Variants in HOXA4 observed in about 807,000 individuals in gnomAD.
The protein encoded by HOXA4 is homeobox A4, also known as homeobox protein Hox-A4.
In HOXA4, 31 loss-of-function variants were observed where a neutral mutation model predicts 25.3. The ratio of observed to expected loss-of-function variants is 1.22; its 90% confidence interval spans 0.92 to 1.65. The LOEUF (loss-of-function observed/expected upper bound fraction) is 1.65, where lower values mean the gene tolerates loss of function less well. Among genes scored for constraint, HOXA4 ranks in the 40% most tolerant of loss-of-function variants. The pLI, the probability that HOXA4 is intolerant of heterozygous loss-of-function variation, is 0.00. For missense variants in HOXA4, 459 were observed against 446.0 expected (o/e 1.03, Z -0.26); for synonymous variants, 225 against 207.7 (o/e 1.08, Z -0.72).
rs769951292 is a variant in HOXA4 at position 27,129,456 on chromosome 7, G to GCGC, written c.729_731dup (p.Arg245dup). 2.5e-6 allele frequency: 4 copies of GCGC among 1,614,210 alleles called. No individual in the cohort carries two copies. Among genetic ancestry groups the GCGC allele is most frequent in the Non-Finnish European group, 3.4e-6 (4 of 1,180,030 alleles). The stretch of plus-strand genomic sequence containing the variant: ...AGAGCGTGTGGGCGATCTCGATGCG[G>GCGC]CGCCGCCGGGTCAGGTATCGATTGA... On this transcript the variant is annotated inframe_insertion, in exon 2 of 2. Coordinates refer to ENST00000360046, the MANE Select transcript of HOXA4 (RefSeq NM_002141.5).
Position 27,130,523 on chromosome 7 carries a change from C to A in HOXA4, c.211G>T (p.Ala71Ser), listed in dbSNP as rs758521498. 3.7e-6 allele frequency: 5 copies of A among 1,348,224 alleles called. No homozygotes were observed. Among genetic ancestry groups the A allele is most frequent in the Middle Eastern group, 2.7e-4 (1 of 3,656 alleles). The allele number at this position is 1,348,224 out of a possible 1,614,324, so 83.5% of individuals were successfully genotyped here. Residue 71 changes from alanine to serine, a missense_variant, in exon 1 of 2, where the codon GCC (alanine) becomes TCC (serine). Transcript: ENST00000360046. ...GCGGTCCGCGGCGCGTAGTAGGAGG[C>A]AGTGGGCTCTCGGCCGCCGCCCGCG... ...PHAGGGREPT[A>S]SYYAPRTARE...
At position 27,129,211 on chromosome 7, in the gene HOXA4, A is replaced by C. The variant is rs1562721729; in HGVS notation, c.*14T>G. On this transcript the variant is annotated 3_prime_UTR_variant, in exon 2 of 2. Transcript: ENST00000360046. ...GCAGGTAAGGGATAGAAACTGGTTA[A>C]GATCTCTAGAAGATTATATGGAGGA... The C allele has an allele frequency of 7.1e-7, 1 of 1,408,938 alleles. No individual in the cohort carries two copies. The highest frequency in any genetic ancestry group is 1.0e-6 in the Non-Finnish European group (1 of 993,164). 87.3% of individuals were successfully genotyped at this position (1,408,938 alleles called of 1,614,324 possible). A position where few individuals can be genotyped will look rare whatever the true frequency, so the allele number is the denominator to read the frequency against.
chr7:27,130,262 C>A lies in HOXA4; in HGVS notation c.472G>T (p.Glu158Ter). The change falls in exon 1 of 2, where the codon GAG (glutamate) becomes TAG (stop). Residue 158 changes from glutamate to a stop codon, truncating the protein, a stop_gained. Coordinates refer to ENST00000360046, the MANE Select transcript of HOXA4 (RefSeq NM_002141.5). LOFTEE classifies it high-confidence loss of function. ...ACGCCTGGGGTGGCGGGGGCCGCCT[C>A]GCAGCGCCGCGGGGCCGCTGGGGGC... ...AVPPAAPRRCEAAPATPGVPA... is the reference protein window; with the variant it reads ...AVPPAAPRRC 1 of 1,184,218 alleles carries A rather than the reference C, an allele frequency of 8.4e-7. No homozygotes were observed. Among genetic ancestry groups the A allele is most frequent in the Non-Finnish European group, 1.0e-6 (1 of 956,078 alleles). The allele number at this position is 1,184,218 out of a possible 1,614,324, so 73.4% of individuals were successfully genotyped here. A position where few individuals can be genotyped will look rare whatever the true frequency, so the allele number is the denominator to read the frequency against.
chr7:27,129,388 C>T lies in HOXA4; in HGVS notation c.800G>A (p.Arg267Lys), dbSNP rs765350240. 1.5e-5 allele frequency: 24 copies of T among 1,614,034 alleles called. No homozygotes were observed. Among genetic ancestry groups the T allele is most frequent in the Middle Eastern group, 1.6e-4 (1 of 6,084 alleles). ...RQVKIWFQNR[R>K]MKWKKDHKLP... is the part of the protein sequence containing the mutation. ...TTTGTGGTCTTTCTTCCACTTCATCCTCCGGTTCTGAAACCAGATCTTGAC... is the reference window on the plus strand; with the variant it reads ...TTTGTGGTCTTTCTTCCACTTCATCTTCCGGTTCTGAAACCAGATCTTGAC... Residue 267 changes from arginine to lysine, a missense_variant, in exon 2 of 2, where the codon AGG (arginine) becomes AAG (lysine). Coordinates refer to ENST00000360046, the MANE Select transcript of HOXA4 (RefSeq NM_002141.5).
intron 1 of HOXA4, 153 bp downstream of exon 1, chr7:27,129,965 C>G: frequency 1.2e-6 from 1 of 824,290 alleles, no homozygotes; most frequent in Non-Finnish European, 1.9e-6. Context: ...GGCTGGCTGG[C>G]GCGCACATAC....
rs1192637366 is a variant in HOXA4 at position 27,129,232 on chromosome 7, G to A, written c.956C>T (p.Ser319Phe). 7 of 1,508,874 alleles carry A rather than the reference G, an allele frequency of 4.6e-6. No individual in the cohort carries two copies. In the East Asian group the frequency reaches 1.6e-4, roughly 34 times the overall value. The allele number at this position is 1,508,874 out of a possible 1,614,324, so 93.5% of individuals were successfully genotyped here. A position where few individuals can be genotyped will look rare whatever the true frequency, so the allele number is the denominator to read the frequency against. Residue 319 changes from serine (S) to phenylalanine (F), a missense_variant, in exon 2 of 2, where the codon TCC (serine) becomes TTC (phenylalanine). Physicochemically the swap from Ser to Phe is radical, Grantham distance 155. Coordinates refer to ENST00000360046, the MANE Select transcript of HOXA4 (RefSeq NM_002141.5). ...HPSTSTPVPS[S>F]I ...GTTAAGATCTCTAGAAGATTATATG[G>A]AGGAGGGAACGGGTGTGGAGGTGCT...
intron 1 of HOXA4, chr7:27,129,845 G>T: frequency 1.6e-6 from 1 of 607,456 alleles, no homozygotes; most frequent in African/African-American, 1.8e-5. Flanking sequence ...CCTCTGCCAG[G>T]GCAATTAAAT....
Position 27,129,092 on chromosome 7 carries a change from A to T in HOXA4, c.*133T>A. 7 of 723,340 alleles carry T rather than the reference A, an allele frequency of 9.7e-6. No individual in the cohort carries two copies. Among genetic ancestry groups the T allele is most frequent in the Admixed American group, 7.9e-5 (4 of 50,408 alleles). The allele number at this position is 723,340 out of a possible 1,614,324, so 44.8% of individuals were successfully genotyped here. A position where few individuals can be genotyped will look rare whatever the true frequency, so the allele number is the denominator to read the frequency against. ...ACCGGATAATGTCTTCTTTTTGATTATTCTTTTCACCAATTTGGGTTTGTT... is the reference window on the plus strand; with the variant it reads ...ACCGGATAATGTCTTCTTTTTGATTTTTCTTTTCACCAATTTGGGTTTGTT... On this transcript the variant is annotated 3_prime_UTR_variant, in exon 2 of 2. Coordinates refer to ENST00000360046, the MANE Select transcript of HOXA4 (RefSeq NM_002141.5).
rs762459096 is a variant in HOXA4 at position 27,130,215 on chromosome 7, G to A, written c.519C>T (p.Pro173=). 2.6e-5 allele frequency: 40 copies of A among 1,522,670 alleles called. No homozygotes were observed. Among genetic ancestry groups the A allele is most frequent in the Non-Finnish European group, 5.3e-6 (6 of 1,139,952 alleles). 94.3% of individuals were successfully genotyped at this position (1,522,670 alleles called of 1,614,324 possible). A position where few individuals can be genotyped will look rare whatever the true frequency, so the allele number is the denominator to read the frequency against. ...TGTCGGCCAAGAGCAGCGGGCACGC[G>A]GGGGCGCTGCCCCCTGCCGGGACGC... ...TPGVPAGGSA[P]ACPLLLADKS... Residue 173 remains proline, a synonymous_variant, in exon 1 of 2, where the codon CCC becomes CCT. Transcript: ENST00000360046.
rs1801085 is a variant in HOXA4 at position 27,128,971 on chromosome 7, A to G, written c.*254T>C. 66,877 of 562,430 alleles carry G rather than the reference A, an allele frequency of 0.12. 5,408 individuals are homozygous for G. The highest frequency in any genetic ancestry group is 0.3 in the African/African-American group (15,881 of 53,216). The allele number at this position is 562,430 out of a possible 1,614,324, so 34.8% of individuals were successfully genotyped here. Reference sequence around the variant, plus strand: ...ACCAAGTAGTCCTTCTCAGGTATCCACACCTGGCAGCCTTGTTTCGGGCCA... The same window carrying G: ...ACCAAGTAGTCCTTCTCAGGTATCCGCACCTGGCAGCCTTGTTTCGGGCCA... On this transcript the variant is annotated 3_prime_UTR_variant, in exon 2 of 2. Coordinates refer to ENST00000360046, the MANE Select transcript of HOXA4 (RefSeq NM_002141.5).
chr7:27,130,170 C>A lies in HOXA4; in HGVS notation c.564G>T (p.Lys188Asn), dbSNP rs867495371. ...LLADKSPLGL[K>N]GKEPVVYPWM... Reference sequence around the variant, plus strand: ...AGGGGTACACCACGGGCTCCTTGCCCTTCAGGCCCAGCGGGCTCTTGTCGG... The same window carrying A: ...AGGGGTACACCACGGGCTCCTTGCCATTCAGGCCCAGCGGGCTCTTGTCGG... The change falls in exon 1 of 2, where the codon AAG becomes AAT. Residue 188 changes from lysine (K) to asparagine (N), a missense_variant. Physicochemically the swap from Lys to Asn is moderately conservative, Grantham distance 94 (BLOSUM62 0). Coordinates refer to ENST00000360046, the MANE Select transcript of HOXA4 (RefSeq NM_002141.5). 1 of 1,598,064 alleles carries A rather than the reference C, an allele frequency of 6.3e-7. No individual in the cohort carries two copies. Among genetic ancestry groups the A allele is most frequent in the African/African-American group, 1.3e-5 (1 of 74,482 alleles).
At chr7:27,129,927 C>CAAA in intron 1 of HOXA4, 191 bp downstream of exon 1, 2 of 653,416 alleles carry the variant, frequency 3.1e-6, no homozygotes, top group Non-Finnish European at 5.2e-6. Context: ...ACCCTGGGTA[C>CAAA]AAAAGGGTTC....
At chr7:27,129,603 A>G in intron 1 of HOXA4, 32 bp from the exon 2 acceptor site, 1 of 1,606,622 alleles carries the variant, frequency 6.2e-7, no homozygotes, top group Non-Finnish European at 8.5e-7. Context: ...ATAGAAGGCC[A>G]AGGAGGAGGG....
chr7:27,130,502 T>C lies in HOXA4; in HGVS notation c.232A>G (p.Thr78Ala). The change falls in exon 1 of 2, where the codon ACC (threonine) becomes GCC (alanine). Residue 78 changes from threonine to alanine, a missense_variant. Transcript: ENST00000360046. ...EPTASYYAPR[T>A]AREPAYPAAA... Reference sequence around the variant, plus strand: ...GCAGGGTAGGCGGGCTCGCGGGCGGTCCGCGGCGCGTAGTAGGAGGCAGTG... The same window carrying C: ...GCAGGGTAGGCGGGCTCGCGGGCGGCCCGCGGCGCGTAGTAGGAGGCAGTG... 7.7e-7 allele frequency: 1 copy of C among 1,290,792 alleles called. No individual in the cohort carries two copies. The highest frequency in any genetic ancestry group is 1.6e-5 in the African/African-American group (1 of 63,650). 80.0% of individuals were successfully genotyped at this position (1,290,792 alleles called of 1,614,324 possible).
chr7:27,129,017 G>A lies in HOXA4; in HGVS notation c.*208C>T, dbSNP rs760296487. On this transcript the variant is annotated 3_prime_UTR_variant, in exon 2 of 2. Transcript: ENST00000360046. ...GGCCAGCAGGTTGTTCCACCAGCCA[G>A]CATCCTGGACAACTGTTCTCTCTTG... 16 of 615,460 alleles carry A rather than the reference G, an allele frequency of 2.6e-5. No homozygotes were observed. Among genetic ancestry groups the A allele is most frequent in the Non-Finnish European group, 4.3e-5 (15 of 344,990 alleles). 38.1% of individuals were successfully genotyped at this position (615,460 alleles called of 1,614,324 possible). A position where few individuals can be genotyped will look rare whatever the true frequency, so the allele number is the denominator to read the frequency against.
In HOXA4 at chr7:27,130,635, G is replaced by C. The variant is rs1487752905; in HGVS notation, c.99C>G (p.Asp33Glu). 1.3e-6 allele frequency: 2 copies of C among 1,586,640 alleles called. No individual in the cohort carries two copies. The highest frequency in any genetic ancestry group is 1.7e-4 in the Middle Eastern group (1 of 5,974). Reference sequence around the variant, plus strand: ...AGCCGGGGCCCCCGCCCGGGCCGCCGTCTGCGCCGCCCGAGCCGCTGTGCT... The same window carrying C: ...AGCCGGGGCCCCCGCCCGGGCCGCCCTCTGCGCCGCCCGAGCCGCTGTGCT... ...YAQHSGSGGA[D>E]GGPGGGPGYQ... Residue 33 changes from aspartate (D) to glutamate (E), a missense_variant, in exon 1 of 2, where the codon GAC (aspartate) becomes GAG (glutamate). By Grantham distance (45) the Asp-to-Glu change is conservative. Coordinates refer to ENST00000360046, the MANE Select transcript of HOXA4 (RefSeq NM_002141.5).
Position 27,128,949 on chromosome 7 carries a change from A to C in HOXA4, c.*276T>G. 2.0e-6 allele frequency: 1 copy of C among 512,516 alleles called. No individual in the cohort carries two copies. Among genetic ancestry groups the C allele is most frequent in the Non-Finnish European group, 3.5e-6 (1 of 282,960 alleles). The allele number at this position is 512,516 out of a possible 1,614,324, so 31.7% of individuals were successfully genotyped here. A position where few individuals can be genotyped will look rare whatever the true frequency, so the allele number is the denominator to read the frequency against. On this transcript the variant is annotated 3_prime_UTR_variant, in exon 2 of 2. Transcript: ENST00000360046. ...AGCCATCTCAAAAGTATTTGATACCAAGTAGTCCTTCTCAGGTATCCACAC... is the reference window on the plus strand; with the variant it reads ...AGCCATCTCAAAAGTATTTGATACCCAGTAGTCCTTCTCAGGTATCCACAC...
chr7:27,130,347 G>C lies in HOXA4; in HGVS notation c.387C>G (p.Gly129=). 8.9e-7 allele frequency: 1 copy of C among 1,122,600 alleles called. No homozygotes were observed. Among genetic ancestry groups the C allele is most frequent in the Non-Finnish European group, 1.1e-6 (1 of 918,342 alleles). The allele number at this position is 1,122,600 out of a possible 1,614,324, so 69.5% of individuals were successfully genotyped here. The change falls in exon 1 of 2, where the codon GGC becomes GGG. Residue 129 remains glycine (G), a synonymous_variant. Coordinates refer to ENST00000360046, the MANE Select transcript of HOXA4 (RefSeq NM_002141.5). ...PPAQAKGPAH[G]LHASHVLQPQ... ...GCTGCAGGACGTGGCTCGCATGCAG[G>C]CCGTGCGCTGGGCCCTTGGCTTGCG...
Position 27,129,645 on chromosome 7 carries a change from A to C in HOXA4, c.617-74T>G, listed in dbSNP as rs527593831. 6.6e-5 allele frequency: 101 copies of C among 1,537,534 alleles called. 1 individual carries two copies. In the South Asian group the frequency reaches 1.1e-3, roughly 16 times the overall value. ...AGAGAGGGAAAGGAGGAGGAGAGAGAAGGTGGGGTGGGGAAGAGCAATTGG... is the reference window on the plus strand; with the variant it reads ...AGAGAGGGAAAGGAGGAGGAGAGAGCAGGTGGGGTGGGGAAGAGCAATTGG... On this transcript the variant is annotated intron_variant, in intron 1 of 1. Coordinates refer to ENST00000360046, the MANE Select transcript of HOXA4 (RefSeq NM_002141.5).
Sources: gnomAD v4.1 joint callset for allele counts on GRCh38, gnomAD v4.1.1 for gene constraint, MANE v1.5 for transcripts, NCBI Gene and HGNC (gene_info 2026-07-23, HGNC 2026-07-21) for gene names.